Variants in TANC2 observed in about 807,000 individuals in gnomAD.
TANC2 encodes tetratricopeptide repeat, ankyrin repeat and coiled-coil containing 2.
Under a neutral mutation model 210.5 loss-of-function variants are expected in TANC2, and 26 were observed. The ratio of observed to expected loss-of-function variants is 0.12; its 90% confidence interval spans 0.09 to 0.17. TANC2 has a LOEUF of 0.17. Among genes scored for constraint, TANC2 ranks in the 10% least tolerant of loss-of-function variants. TANC2 has a pLI of 1.00. For missense variants in TANC2, 2,129 were observed against 2,608.9 expected (o/e 0.82, Z 4.01); for synonymous variants, 931 against 967.1 (o/e 0.96, Z 0.69).
chr17:63,111,808 C>T (rs980906899), intron 4 of TANC2, among the ~76,000 whole-genome samples: 73 of 152,254 alleles, frequency 4.8e-4, no homozygotes, highest in African/African-American at 1.7e-3. Flanking sequence ...TCACTGCAAC[C>T]TCCGCCTCCC....
At chr17:63,427,107 C>A (rs1332574247) in exon 28 of TANC2, 3 of 152,354 alleles carry the variant, frequency 2.0e-5, no homozygotes, top group Admixed American at 2.0e-4. Flanking sequence ...CTGATTCCTG[C>A]TGAGTGAGGC....
chr17:63,241,449 AC>A (rs2042770775), intron 8 of TANC2, among the ~76,000 whole-genome samples: 1 of 152,188 alleles, frequency 6.6e-6, no homozygotes, highest in African/African-American at 2.4e-5. Context: ...CAGTCAGCAA[AC>A]CAGGGCCCAT....
intron 7 of TANC2, among the ~76,000 whole-genome samples, chr17:63,221,452 A>G (rs1316268839): frequency 6.6e-6 from 1 of 151,480 alleles, no homozygotes. Flanking sequence ...CAAAAAAAAA[A>G]AAAAAAAAGA....
At chr17:62,974,284 A>G (rs955763023) in intron 1 of TANC2, among the ~76,000 whole-genome samples, 8 of 152,238 alleles carry the variant, frequency 5.3e-5, no homozygotes, top group African/African-American at 1.9e-4. Flanking sequence ...AGTGTGTTTC[A>G]AGATTCTATT....
In TANC2 at chr17:63,413,637, G is replaced by A; in HGVS notation, c.4020+3G>A. ...AAGAGGGGGACATGTTTTATAAGGT[G>A]AGGGGAGGGAGGGACACAGTTTCTT... On this transcript the variant is annotated splice_donor_region_variant and intron_variant, in intron 25 of 27. Coordinates refer to ENST00000689528, the Ensembl canonical transcript of TANC2. 6.3e-7 allele frequency: 1 copy of A among 1,586,082 alleles called. No individual in the cohort carries two copies. Among genetic ancestry groups the A allele is most frequent in the Non-Finnish European group, 8.6e-7 (1 of 1,165,704 alleles).
At chr17:63,384,473 C>T (rs2047712869) in intron 15 of TANC2, among the ~76,000 whole-genome samples, 3 of 152,086 alleles carry the variant, frequency 2.0e-5, no homozygotes, top group South Asian at 4.2e-4. Context: ...AGGCTACACA[C>T]ATATATATAT....
intron 7 of TANC2, among the ~76,000 whole-genome samples, chr17:63,229,076 G>A (rs566607932): frequency 2.6e-5 from 4 of 152,078 alleles, no homozygotes; most frequent in African/African-American, 9.7e-5. Flanking sequence ...TGCATAAATG[G>A]TTCTTACTAT....
intron 5 of TANC2, among the ~76,000 whole-genome samples, chr17:63,189,001 C>A (rs1050218973): frequency 6.6e-6 from 1 of 152,036 alleles, no homozygotes; most frequent in Non-Finnish European, 1.5e-5. Flanking sequence ...TTTGCCTATT[C>A]CAGACATTTC....
At chr17:63,387,838 C>T (rs1479033082) in intron 15 of TANC2, among the ~76,000 whole-genome samples, 3 of 152,120 alleles carry the variant, frequency 2.0e-5, no homozygotes, top group African/African-American at 2.4e-5. Context: ...AAATTTGTTG[C>T]GGATGGAAAT....
At position 63,376,161 on chromosome 17, in the gene TANC2, C is replaced by T. The variant is rs140742243; in HGVS notation, c.2583-3557C>T. Among the ~76,000 whole-genome samples the T allele has an allele frequency of 1.4e-3, 211 of 151,852 alleles. 2 individuals are homozygous for T. The East Asian group carries it at 0.037, about 27-fold the overall frequency. ...ATAAATAAGAGTTCAGGGCCGGGTG[C>T]GGTGGCTCACACCTGTAATCCCAGC... On this transcript the variant is annotated intron_variant, in intron 14 of 27. Coordinates refer to ENST00000689528, the Ensembl canonical transcript of TANC2.
chr17:63,092,217 A>T (rs2037224340), intron 3 of TANC2, among the ~76,000 whole-genome samples: 1 of 152,020 alleles, frequency 6.6e-6, no homozygotes, highest in African/African-American at 2.4e-5. Flanking sequence ...AGGGACATAT[A>T]TCTTCATTTC....
At chr17:63,002,653 C>T (rs574733287) in intron 1 of TANC2, among the ~76,000 whole-genome samples, 1 of 152,266 alleles carries the variant, frequency 6.6e-6, no homozygotes, top group South Asian at 2.1e-4. Flanking sequence ...CTAAGTTGAT[C>T]CCCATATCTA....
intron 9 of TANC2, among the ~76,000 whole-genome samples, chr17:63,284,730 A>C (rs2044169045): frequency 6.6e-6 from 1 of 152,090 alleles, no homozygotes; most frequent in South Asian, 2.1e-4. Flanking sequence ...TACAGTAGAC[A>C]CTTCTATAAA....
At chr17:63,018,459 C>T (rs1016829456) in intron 2 of TANC2, among the ~76,000 whole-genome samples, 5 of 144,696 alleles carry the variant, frequency 3.5e-5, no homozygotes, top group East Asian at 2.1e-4. Context: ...CCAGCCTGGG[C>T]GACAGAGTGA....
intron 3 of TANC2, among the ~76,000 whole-genome samples, chr17:63,085,168 C>T (rs939906069): frequency 3.9e-5 from 6 of 152,122 alleles, no homozygotes; most frequent in African/African-American, 1.4e-4. Flanking sequence ...GTTACATACT[C>T]ATCAGTCAAG....
chr17:63,249,743 G>A (rs1426640222), intron 8 of TANC2, among the ~76,000 whole-genome samples: 4 of 152,136 alleles, frequency 2.6e-5, no homozygotes, highest in African/African-American at 7.2e-5. Flanking sequence ...CAGTCAGAAC[G>A]TTGGCTTTAT....
rs562053172 is a variant in TANC2, at chr17:63,399,510, C to T, written c.3331+596C>T. Among the ~76,000 whole-genome samples, 8 of 152,322 alleles carry T rather than the reference C, an allele frequency of 5.3e-5. No homozygotes were observed. The East Asian group carries it at 9.6e-4, about 18-fold the overall frequency. On this transcript the variant is annotated intron_variant, in intron 19 of 27. Transcript: ENST00000689528. ...CGTTCGGTACAATGCAAACAGAAGC[C>T]TCTTCCTTGTGGCCTTTGCAGGAAA...
chr17:63,298,935 C>T lies in TANC2; in HGVS notation c.1160-15453C>T, dbSNP rs184700788. On this transcript the variant is annotated intron_variant, in intron 9 of 27. Coordinates refer to ENST00000689528, the Ensembl canonical transcript of TANC2. ...TTCCTCCCCTTGCCCCCACATCCCCCGACTGGCCCTGGTGTGTGTTGTTTC... is the reference window on the plus strand; with the variant it reads ...TTCCTCCCCTTGCCCCCACATCCCCTGACTGGCCCTGGTGTGTGTTGTTTC... Among the ~76,000 whole-genome samples the T allele has an allele frequency of 2.6e-5, 4 of 152,168 alleles. No homozygotes were observed. The East Asian group carries it at 5.8e-4, about 22-fold the overall frequency.
At chr17:63,062,894 G>A (rs192507380) in intron 2 of TANC2, among the ~76,000 whole-genome samples, 7 of 152,268 alleles carry the variant, frequency 4.6e-5, no homozygotes, top group East Asian at 1.9e-4. Context: ...CCAATCAGGT[G>A]TCCTATAATT....
Sources: allele counts gnomAD v4.1 joint callset (sites outside exome capture counted in the v4.1 genomes callset), GRCh38; gene constraint gnomAD v4.1.1; transcripts MANE v1.5; gene names NCBI Gene and HGNC (gene_info 2026-07-23, HGNC 2026-07-21).